The following PRDM10 variants were observed in gnomAD, a reference collection of about 807,000 sequenced individuals.
PRDM10 encodes the protein PR/SET domain 10, also known as PR domain zinc finger protein 10.
In PRDM10, 65 loss-of-function variants were observed where a neutral mutation model predicts 133.1. That is an observed-to-expected ratio of 0.49 (90% CI 0.40 to 0.60). The LOEUF (loss-of-function observed/expected upper bound fraction) is 0.60, where lower values mean the gene tolerates loss of function less well. Ranked by LOEUF, PRDM10 falls within the 20% of genes least tolerant of loss-of-function variation. The pLI is 0.00. For missense variants in PRDM10, 1,137 were observed against 1,507.1 expected (o/e 0.75, Z 4.07); for synonymous variants, 582 against 580.4 (o/e 1.00, Z -0.04).
chr11:129,945,005 C>G lies in PRDM10; in HGVS notation c.528G>C (p.Glu176Asp). 21 of 1,611,504 alleles carry G rather than the reference C, an allele frequency of 1.3e-5. No homozygotes were observed. Among genetic ancestry groups the G allele is most frequent in the Non-Finnish European group, 1.8e-5 (21 of 1,179,414 alleles). ...RPFDPHDLWC[E>D]ECNNAHASVC... is the part of the protein sequence containing the mutation. ...CTGAAGCATGCGCGTTATTGCACTC[C>G]TCACACCCTGCAAAAGAGAGACAGT... Residue 176 changes from glutamate (E) to aspartate (D), a missense_variant, in exon 6 of 21, where the codon GAG becomes GAC. Glu to Asp is a conservative substitution (Grantham distance 45). Coordinates refer to ENST00000360871, the MANE Select transcript of PRDM10 (RefSeq NM_199437.2). The surrounding 1 kb of genome is among the most constrained non-coding windows in gnomAD (Gnocchi z 4.2).
chr11:129,979,636 T>C (rs1056649477), intron 1 of PRDM10, among the ~76,000 whole-genome samples: 1 of 151,046 alleles, frequency 6.6e-6, no homozygotes, highest in Non-Finnish European at 1.5e-5. Context: ...TTTTGACTTG[T>C]TTTTTTGACC....
At chr11:129,956,426 T>C (rs1951698364) in intron 3 of PRDM10, among the ~76,000 whole-genome samples, 1 of 152,092 alleles carries the variant, frequency 6.6e-6, no homozygotes, top group South Asian at 2.1e-4. Context: ...TAGCTTGTTG[T>C]GGTGGTGGGT....
chr11:129,994,958 A>G (rs555625931), intron 1 of PRDM10, among the ~76,000 whole-genome samples: 1 of 152,250 alleles, frequency 6.6e-6, no homozygotes, highest in Non-Finnish European at 1.5e-5. Context: ...TGGCCAACAT[A>G]AACTTTCTTA....
chr11:129,993,902 T>A (rs1938893660), intron 1 of PRDM10, among the ~76,000 whole-genome samples: 1 of 152,218 alleles, frequency 6.6e-6, no homozygotes, highest in South Asian at 2.1e-4. Context: ...AATCAGCTTG[T>A]CTAATTTTTT....
intron 9 of PRDM10, among the ~76,000 whole-genome samples, chr11:129,934,704 C>T (rs1204169692): frequency 6.6e-6 from 1 of 152,194 alleles, no homozygotes; most frequent in African/African-American, 2.4e-5. Context: ...TATGATTCTC[C>T]CCTCATCTGT....
At chr11:129,917,558 G>T (rs1347978817) in intron 14 of PRDM10, among the ~76,000 whole-genome samples, 1 of 152,226 alleles carries the variant, frequency 6.6e-6, no homozygotes, top group Admixed American at 6.5e-5. Flanking sequence ...TTTCTTTGGT[G>T]AGTTCTCCTC....
chr11:129,941,635 C>T (rs181510837), intron 7 of PRDM10, among the ~76,000 whole-genome samples: 3 of 152,296 alleles, frequency 2.0e-5, no homozygotes, highest in East Asian at 1.9e-4. Flanking sequence ...AAGTAGAAAT[C>T]GTCTGAGTGC....
At chr11:129,905,961 C>T (rs1425829322) in intron 19 of PRDM10, among the ~76,000 whole-genome samples, 1 of 152,190 alleles carries the variant, frequency 6.6e-6, no homozygotes, top group Non-Finnish European at 1.5e-5. Flanking sequence ...CATTCCCCTT[C>T]AAATGTGGCT....
intron 19 of PRDM10, among the ~76,000 whole-genome samples, chr11:129,908,000 TGGGGCAGGAGGATGGCTTGAGCCCA>T (rs1950068240): frequency 6.6e-6 from 1 of 151,980 alleles, no homozygotes; most frequent in Non-Finnish European, 1.5e-5. Flanking sequence ...ACTGGGAGGC[TGGGGCAGGAGGATGGCTTGAGCCCA>T]GGAGTTCGAG....
At chr11:129,902,663 G>C in intron 20 of PRDM10, 147 bp from the exon 21 acceptor site, 5 of 1,334,052 alleles carry the variant, frequency 3.7e-6, no homozygotes, top group Non-Finnish European at 5.0e-6. Context: ...CCTTTAGAGA[G>C]GGTGGATCAG....
At chr11:129,917,889 G>T (rs1183995951) in intron 14 of PRDM10, among the ~76,000 whole-genome samples, 1 of 152,218 alleles carries the variant, frequency 6.6e-6, no homozygotes, top group South Asian at 2.1e-4. Context: ...CCAGCATTCT[G>T]GGAGGCTGAG....
intron 11 of PRDM10, among the ~76,000 whole-genome samples, chr11:129,928,778 C>T (rs1041469036): frequency 3.3e-5 from 5 of 152,158 alleles, no homozygotes; most frequent in East Asian, 1.9e-4. Flanking sequence ...CTGCCCAACT[C>T]GGCTCACTCT....
At chr11:129,912,547 C>T (rs958593787) in intron 17 of PRDM10, among the ~76,000 whole-genome samples, 7 of 151,776 alleles carry the variant, frequency 4.6e-5, no homozygotes, top group African/African-American at 1.5e-4. Context: ...GTCAGGAGAT[C>T]GAGACCGTCC....
chr11:129,949,413 G>A (rs1951520118), intron 4 of PRDM10, among the ~76,000 whole-genome samples: 2 of 152,290 alleles, frequency 1.3e-5, no homozygotes, highest in Non-Finnish European at 1.5e-5. Flanking sequence ...ATTATCCTAA[G>A]TTCTTTAAGG....
Position 129,971,088 on chromosome 11 carries a change from C to A in PRDM10, c.-118-10006G>T, listed in dbSNP as rs537169583. Among the ~76,000 whole-genome samples, 3 of 152,188 alleles carry A rather than the reference C, an allele frequency of 2.0e-5. No individual in the cohort carries two copies. The South Asian group carries it at 6.3e-4, about 32-fold the overall frequency. On this transcript the variant is annotated intron_variant, in intron 1 of 20. Coordinates refer to ENST00000360871, the MANE Select transcript of PRDM10 (RefSeq NM_199437.2). ...TGATGTTCAGATGTGTTTGGAGTTT[C>A]TTCCTTCTGGTGGGTTCATGGTCTC...
chr11:129,963,177 G>T lies in PRDM10; in HGVS notation c.-118-2095C>A, dbSNP rs185465020. On this transcript the variant is annotated intron_variant, in intron 1 of 20. Coordinates refer to ENST00000360871, the MANE Select transcript of PRDM10 (RefSeq NM_199437.2). ...AAAAAAAAAAATGAAAGGAATAAATGTCACCAATCATCTAAAGATCTGTAA... is the reference window on the plus strand; with the variant it reads ...AAAAAAAAAAATGAAAGGAATAAATTTCACCAATCATCTAAAGATCTGTAA... Among the ~76,000 whole-genome samples, 74 of 151,424 alleles carry T rather than the reference G, an allele frequency of 4.9e-4. 2 individuals carry two copies. Among genetic ancestry groups the T allele is most frequent in the Admixed American group, 4.7e-3 (71 of 15,158 alleles).
In PRDM10 at chr11:129,914,863, C is replaced by G. The variant is rs371170571; in HGVS notation, c.2682G>C (p.Leu894=). The G allele has an allele frequency of 4.6e-5, 74 of 1,614,126 alleles. No homozygotes were observed. The African/African-American group carries it at 8.3e-4, about 18-fold the overall frequency. ...ACAGTTCTGTCATTGCTTGGGTGAGCAGGTCCGTCGTCACCACAGTCTCTC... is the reference window on the plus strand; with the variant it reads ...ACAGTTCTGTCATTGCTTGGGTGAGGAGGTCCGTCGTCACCACAGTCTCTC... The part of the protein sequence containing the change: ...ATGETVVTTD[L]LTQAMTELSQ... The change falls in exon 17 of 21, where the codon CTG becomes CTC. Residue 894 remains leucine, a synonymous_variant. Coordinates refer to ENST00000360871, the MANE Select transcript of PRDM10 (RefSeq NM_199437.2).
chr11:129,936,438 A>G (rs1421105511), intron 8 of PRDM10, among the ~76,000 whole-genome samples: 2 of 152,064 alleles, frequency 1.3e-5, no homozygotes, highest in Non-Finnish European at 2.9e-5. Flanking sequence ...CAGATCATGA[A>G]GTCAGGAGAT....
In PRDM10 at chr11:129,923,643, T is replaced by TGAGAGAGAGAGAGAGAGAGAGAGA. The variant is rs57429782; in HGVS notation, c.1879-264_1879-241dup. ...CGAACCTCCCCGATGACTTGAAACG[T>TGAGAGAGAGAGAGAGAGAGAGAGA]GAGAGAGAGAGAGAGAGAGAGAGAG... On this transcript the variant is annotated intron_variant, in intron 12 of 20. Coordinates refer to ENST00000360871, the MANE Select transcript of PRDM10 (RefSeq NM_199437.2). The surrounding 1 kb of genome is among the most constrained non-coding windows in gnomAD (Gnocchi z 4.4). Among the ~76,000 whole-genome samples, 7 of 65,882 alleles carry TGAGAGAGAGAGAGAGAGAGAGAGA rather than the reference T, an allele frequency of 1.1e-4. 2 individuals are homozygous for TGAGAGAGAGAGAGAGAGAGAGAGA. Among genetic ancestry groups the TGAGAGAGAGAGAGAGAGAGAGAGA allele is most frequent in the East Asian group, 7.0e-4 (1 of 1,420 alleles). 43.2% of individuals were successfully genotyped at this position (65,882 alleles called of 152,430 possible). A position where few individuals can be genotyped will look rare whatever the true frequency, so the allele number is the denominator to read the frequency against.
Sources: gnomAD v4.1 joint callset for allele counts (sites outside exome capture counted in the v4.1 genomes callset) on GRCh38, gnomAD v4.1.1 for gene constraint, Gnocchi (gnomAD v3.1) non-coding constraint, MANE v1.5 for transcripts, NCBI Gene and HGNC (gene_info 2026-07-23, HGNC 2026-07-21) for gene names.